Variants in NEGR1 observed in about 807,000 individuals in gnomAD.
The protein encoded by NEGR1 is neuronal growth regulator 1, also known as IgLON family member 4.
Under a neutral mutation model 40.9 loss-of-function variants are expected in NEGR1, and 10 were observed. That is an observed-to-expected ratio of 0.24 (90% CI 0.15 to 0.42). The LOEUF is 0.42. Among genes scored for constraint, NEGR1 ranks in the 10% least tolerant of loss-of-function variants. NEGR1 has a pLI of 1.00. For synonymous variants in NEGR1, 185 were observed against 166.8 expected (o/e 1.11, Z -0.84); for missense variants, 352 against 438.9 (o/e 0.80, Z 1.77).
chr1:71,929,754 G>A (rs1275167866), intron 2 of NEGR1, among the ~76,000 whole-genome samples: 1 of 119,704 alleles, frequency 8.4e-6, no homozygotes, highest in Admixed American at 8.1e-5. Context: ...TTCTTCTTTT[G>A]GTCTTTTGGG....
chr1:71,616,037 C>T (rs901527103), intron 4 of NEGR1, among the ~76,000 whole-genome samples: 9 of 152,156 alleles, frequency 5.9e-5, no homozygotes, highest in African/African-American at 2.2e-4. Flanking sequence ...ATTCTGAACC[C>T]TATTACTCTG....
intron 2 of NEGR1, among the ~76,000 whole-genome samples, chr1:71,788,681 G>A (rs1656999738): frequency 6.6e-6 from 1 of 151,852 alleles, no homozygotes; most frequent in African/African-American, 2.4e-5. Context: ...ACAAGCATGT[G>A]TGTGTGTGTG....
At chr1:71,961,302 C>T (rs946812321) in intron 1 of NEGR1, among the ~76,000 whole-genome samples, 2 of 152,112 alleles carry the variant, frequency 1.3e-5, no homozygotes, top group Non-Finnish European at 2.9e-5. Context: ...AACTCTGATA[C>T]ATGTTTTATT....
At chr1:71,562,427 C>CT (rs71095946) in intron 6 of NEGR1, among the ~76,000 whole-genome samples, 87,598 of 151,378 alleles carry the variant, frequency 0.58, 25,865 homozygotes, top group Middle Eastern at 0.65. Flanking sequence ...ACCATTACCC[C>CT]GTCACACTCT....
At chr1:71,416,595 A>G (rs2101270811) in intron 6 of NEGR1, among the ~76,000 whole-genome samples, 1 of 152,270 alleles carries the variant, frequency 6.6e-6, no homozygotes, top group African/African-American at 2.4e-5. Context: ...CTTCTCAATG[A>G]TTCTCTAATC....
chr1:71,711,341 C>A (rs1399268606), intron 3 of NEGR1, among the ~76,000 whole-genome samples: 243 of 58,666 alleles, frequency 4.1e-3, no homozygotes, highest in African/African-American at 0.011. Context: ...GAGATTCCAC[C>A]AAAAAAAAAA....
chr1:71,942,647 G>A (rs368540442), intron 1 of NEGR1, among the ~76,000 whole-genome samples: 13,358 of 130,162 alleles, frequency 0.1, 761 homozygotes, highest in Middle Eastern at 0.19. Flanking sequence ...GACTACAGGC[G>A]CCCGCCACTA....
At chr1:71,693,633 C>T (rs752259075) in intron 4 of NEGR1, among the ~76,000 whole-genome samples, 8 of 151,446 alleles carry the variant, frequency 5.3e-5, no homozygotes, top group Non-Finnish European at 1.0e-4. Flanking sequence ...AGTAAAGTAC[C>T]TCACCCAAGG....
At chr1:71,411,032 A>G (rs1163184687) in intron 6 of NEGR1, among the ~76,000 whole-genome samples, 1 of 152,192 alleles carries the variant, frequency 6.6e-6, no homozygotes, top group Non-Finnish European at 1.5e-5. Flanking sequence ...GATTAGGTCA[A>G]GAATGTCTAG....
At chr1:72,160,669 T>C (rs1168207809) in intron 1 of NEGR1, among the ~76,000 whole-genome samples, 3 of 152,148 alleles carry the variant, frequency 2.0e-5, no homozygotes, top group Non-Finnish European at 2.9e-5. Flanking sequence ...AAGGGGATTA[T>C]ATTTGCATCG....
At chr1:72,069,796 A>T (rs1035780985) in intron 1 of NEGR1, among the ~76,000 whole-genome samples, 1 of 152,174 alleles carries the variant, frequency 6.6e-6, no homozygotes, top group Non-Finnish European at 1.5e-5. Context: ...CTAATCATAC[A>T]TAAAAGAATA....
At chr1:72,030,735 C>T (rs1349780888) in intron 1 of NEGR1, among the ~76,000 whole-genome samples, 2 of 152,068 alleles carry the variant, frequency 1.3e-5, no homozygotes, top group African/African-American at 2.4e-5. Context: ...AATGTAGTTA[C>T]AGTCATTGAA....
At chr1:71,725,410 C>A (rs757054613) in intron 3 of NEGR1, among the ~76,000 whole-genome samples, 27 of 152,064 alleles carry the variant, frequency 1.8e-4, no homozygotes, top group Non-Finnish European at 2.6e-4. Context: ...GAACTTTTAT[C>A]CATGCTGATA....
chr1:72,018,633 G>T (rs1040241022), intron 1 of NEGR1, among the ~76,000 whole-genome samples: 1 of 152,132 alleles, frequency 6.6e-6, no homozygotes, highest in African/African-American at 2.4e-5. Context: ...CATGTAATAA[G>T]TGCCACAAAG....
chr1:72,112,304 C>A (rs1649405691), intron 1 of NEGR1, among the ~76,000 whole-genome samples: 1 of 150,838 alleles, frequency 6.6e-6, no homozygotes, highest in Non-Finnish European at 1.5e-5. Context: ...TTTTTCTCTA[C>A]ATAATTATCT....
chr1:71,480,161 C>A (rs1378292332), intron 6 of NEGR1, among the ~76,000 whole-genome samples: 2 of 151,914 alleles, frequency 1.3e-5, no homozygotes, highest in Non-Finnish European at 2.9e-5. Flanking sequence ...TAGCCAATAT[C>A]TACTGAATGT....
intron 2 of NEGR1, among the ~76,000 whole-genome samples, chr1:71,816,751 A>G (rs900478407): frequency 3.3e-5 from 5 of 151,948 alleles, no homozygotes; most frequent in African/African-American, 1.2e-4. Context: ...CAATCTACCA[A>G]TTAATCTGCA....
At chr1:71,506,296 C>A (rs1033102442) in intron 6 of NEGR1, among the ~76,000 whole-genome samples, 6 of 152,180 alleles carry the variant, frequency 3.9e-5, no homozygotes, top group African/African-American at 7.2e-5. Context: ...AACATTCCAT[C>A]TGTTCGTAAC....
intron 1 of NEGR1, among the ~76,000 whole-genome samples, chr1:72,280,004 A>G (rs545858472): frequency 6.6e-6 from 1 of 152,340 alleles, no homozygotes; most frequent in East Asian, 1.9e-4. Context: ...AAATTTAAAA[A>G]CTAAAATCTA....
Sources: gnomAD v4.1 joint callset for allele counts (sites outside exome capture counted in the v4.1 genomes callset) on GRCh38, gnomAD v4.1.1 for gene constraint, MANE v1.5 for transcripts, NCBI Gene and HGNC (gene_info 2026-07-23, HGNC 2026-07-21) for gene names.